The following YJU2B variants were observed in gnomAD, a reference collection of about 807,000 sequenced individuals.
YJU2B encodes the protein YJU2 splicing factor homolog B.
YJU2B carries 18 observed loss-of-function variants against 38.0 expected under a neutral mutation model. The ratio of observed to expected loss-of-function variants is 0.47; its 90% confidence interval spans 0.33 to 0.70. The LOEUF (loss-of-function observed/expected upper bound fraction) is 0.70. Ranked by LOEUF, YJU2B falls within the 30% of genes least tolerant of loss-of-function variation. The pLI is 0.02. For missense variants in YJU2B, 538 were observed against 556.3 expected, an observed-to-expected ratio of 0.97 and a Z score of 0.33; for synonymous variants, 246 against 225.4, an observed-to-expected ratio of 1.09 and a Z score of -0.82.
upstream of YJU2B, among the ~76,000 whole-genome samples, chr19:13,746,341 T>G (rs1416478192): frequency 6.6e-6 from 1 of 152,154 alleles, no homozygotes; most frequent in Non-Finnish European, 1.5e-5. Context: ...TCCACCCACT[T>G]CTTCTGTAAA....
intron 2 of YJU2B, among the ~76,000 whole-genome samples, chr19:13,735,828 G>A (rs890565661): frequency 4.6e-5 from 7 of 151,802 alleles, no homozygotes; most frequent in African/African-American, 1.7e-4. Context: ...CAAGGCGGGC[G>A]GATCACGAGG....
chr19:13,742,498 C>T (rs1335366046), intron 2 of YJU2B, among the ~76,000 whole-genome samples: 1 of 152,122 alleles, frequency 6.6e-6, no homozygotes, highest in African/African-American at 2.4e-5. Flanking sequence ...TGTGCCCTTT[C>T]TTTTGTTAAT....
upstream of YJU2B, among the ~76,000 whole-genome samples, chr19:13,745,705 ATATC>A (rs879690749): frequency 0.32 from 36,530 of 115,926 alleles, 6,024 homozygotes; most frequent in Middle Eastern, 0.45. Context: ...AGATATATAG[ATATC>A]TATAGATCTA....
chr19:13,745,757 A>C (rs988986080), upstream of YJU2B, among the ~76,000 whole-genome samples: 21 of 147,270 alleles, frequency 1.4e-4, no homozygotes, highest in Admixed American at 2.0e-4. Context: ...ATATATATAT[A>C]TCAGGAGGAA....
chr19:13,742,640 T>C (rs1422131017), intron 2 of YJU2B, among the ~76,000 whole-genome samples: 5 of 152,200 alleles, frequency 3.3e-5, no homozygotes, highest in Non-Finnish European at 7.3e-5. Flanking sequence ...GGTATCTTTA[T>C]AGAACAGCCT....
intron 2 of YJU2B, among the ~76,000 whole-genome samples, chr19:13,733,450 G>C (rs1972869529): frequency 1.3e-5 from 2 of 152,020 alleles, no homozygotes; most frequent in South Asian, 4.1e-4. Flanking sequence ...AGCCAGGCAC[G>C]GTGGCTGACG....
chr19:13,757,494 C>T, intron 5 of YJU2B, 21 bp downstream of exon 5: 1 of 1,584,576 alleles, frequency 6.3e-7, no homozygotes, highest in Non-Finnish European at 8.7e-7. Flanking sequence ...GCCCACCCTC[C>T]ATTCAGTCCT....
chr19:13,762,212 C>G, intron 8 of YJU2B, 87 bp from the exon 9 acceptor site: 2 of 1,465,304 alleles, frequency 1.4e-6, no homozygotes, highest in South Asian at 2.6e-5. Flanking sequence ...AAATGAGACC[C>G]CGAGAGTTGG....
rs1348140907 is a variant in YJU2B, at chr19:13,759,102, C to T, written c.403C>T (p.His135Tyr). The change falls in exon 8 of 10, where the codon CAT becomes TAT. Residue 135 changes from histidine (H) to tyrosine (Y), a missense_variant and splice_region_variant. Physicochemically the swap from His to Tyr is moderately conservative, Grantham distance 83 (BLOSUM62 2). Coordinates refer to ENST00000221554, the MANE Select transcript of YJU2B (RefSeq NM_030818.4). ...CAGCCGAGCTCTGATCGTTGCAGAGCATGAGAAGAAGCAGAAGCTGGAGAC... is the reference window on the plus strand; with the variant it reads ...CAGCCGAGCTCTGATCGTTGCAGAGTATGAGAAGAAGCAGAAGCTGGAGAC... ...ADNEQVLTTE[H>Y]EKKQKLETDA... is the part of the protein sequence containing the mutation. 4 of 1,613,674 alleles carry T rather than the reference C, an allele frequency of 2.5e-6. No homozygotes were observed. Among genetic ancestry groups the T allele is most frequent in the Non-Finnish European group, 3.4e-6 (4 of 1,179,890 alleles).
intron 1 of YJU2B, among the ~76,000 whole-genome samples, chr19:13,748,282 T>C (rs1243184697): frequency 1.3e-5 from 2 of 152,096 alleles, no homozygotes; most frequent in African/African-American, 2.4e-5. Flanking sequence ...TGTAAAACCG[T>C]GAGCAGCAGA....
intron 1 of YJU2B, among the ~76,000 whole-genome samples, chr19:13,749,333 T>C (rs1315996576): frequency 6.6e-6 from 1 of 152,092 alleles, no homozygotes; most frequent in African/African-American, 2.4e-5. Context: ...TTTCTAGTAG[T>C]TGGGGAAAAA....
Position 13,757,779 on chromosome 19 carries a change from C to T in YJU2B, c.197-7C>T. The T allele has an allele frequency of 1.2e-6, 2 of 1,613,946 alleles. No homozygotes were observed. The highest frequency in any genetic ancestry group is 4.5e-5 in the East Asian group (2 of 44,866). On this transcript the variant is annotated splice_polypyrimidine_tract_variant and splice_region_variant and intron_variant, in intron 5 of 9. Transcript: ENST00000221554. ...GAAATTACCACCCCCGCCTGACCCCCTTCCAGGTGTTCGTTACAATGCAGA... is the reference window on the plus strand; with the variant it reads ...GAAATTACCACCCCCGCCTGACCCCTTTCCAGGTGTTCGTTACAATGCAGA...
chr19:13,742,762 G>A (rs564694527), intron 2 of YJU2B, among the ~76,000 whole-genome samples: 30 of 152,324 alleles, frequency 2.0e-4, no homozygotes, highest in African/African-American at 7.2e-4. Flanking sequence ...AGGAAGTCCT[G>A]CTCCCAAGAT....
chr19:13,733,331 C>T (rs1482394293), intron 2 of YJU2B, among the ~76,000 whole-genome samples: 1 of 152,128 alleles, frequency 6.6e-6, no homozygotes, highest in Non-Finnish European at 1.5e-5. Flanking sequence ...GTTTGTTAAC[C>T]TTGGCACTAC....
At chr19:13,761,565 C>T (rs985995617) in intron 8 of YJU2B, 1 of 152,222 alleles carries the variant, frequency 6.6e-6, no homozygotes, top group African/African-American at 2.4e-5. Flanking sequence ...AAGCCTAGCA[C>T]AAGGTGGGTA....
chr19:13,742,923 C>T (rs958884082), upstream of YJU2B, among the ~76,000 whole-genome samples: 1 of 152,152 alleles, frequency 6.6e-6, no homozygotes, highest in Admixed American at 6.5e-5. Flanking sequence ...CTACAGCACA[C>T]CCCCCACCTG....
intron 6 of YJU2B, among the ~76,000 whole-genome samples, chr19:13,758,275 A>T (rs1973744987): frequency 6.6e-6 from 1 of 152,124 alleles, no homozygotes; most frequent in Non-Finnish European, 1.5e-5. Context: ...GAGACTTGAC[A>T]CTGGTTGCTT....
rs376630205 is a variant in YJU2B at position 13,751,773 on chromosome 19, C to G, written c.-36C>G. 8.1e-6 allele frequency: 13 copies of G among 1,613,522 alleles called. No homozygotes were observed. The highest frequency in any genetic ancestry group is 1.1e-5 in the Non-Finnish European group (13 of 1,179,536). On this transcript the variant is annotated 5_prime_UTR_variant, in exon 2 of 10. Coordinates refer to ENST00000221554, the MANE Select transcript of YJU2B (RefSeq NM_030818.4). Reference sequence around the variant, plus strand: ...TTCACAAGGCCAGTTTCTGATCGTCCGCCCCGAGGCTGAGGACCAGTAGGC... The same window carrying G: ...TTCACAAGGCCAGTTTCTGATCGTCGGCCCCGAGGCTGAGGACCAGTAGGC...
Position 13,758,972 on chromosome 19 carries a change from G to A in YJU2B, c.362G>A (p.Arg121His), listed in dbSNP as rs142208784. Reference sequence around the variant, plus strand: ...AGTGGCGCCCAGCGCAAGGAGGAGCGCTGGGACATGGCGGACAATGAGCAG... The same window carrying A: ...AGTGGCGCCCAGCGCAAGGAGGAGCACTGGGACATGGCGGACAATGAGCAG... The part of the protein sequence containing the change: ...IVSGAQRKEE[R>H]WDMADNEQVL... Residue 121 changes from arginine to histidine, a missense_variant, in exon 7 of 10, where the codon CGC (arginine) becomes CAC (histidine). Transcript: ENST00000221554. 46 of 1,613,842 alleles carry A rather than the reference G, an allele frequency of 2.9e-5. No individual in the cohort carries two copies. Among genetic ancestry groups the A allele is most frequent in the African/African-American group, 2.5e-4 (19 of 75,068 alleles).
Sources: gnomAD v4.1 joint callset for allele counts (sites outside exome capture counted in the v4.1 genomes callset) on GRCh38, gnomAD v4.1.1 for gene constraint, MANE v1.5 for transcripts, NCBI Gene and HGNC (gene_info 2026-07-23, HGNC 2026-07-21) for gene names.